Variants in SRSF1 observed in about 807,000 individuals in gnomAD.
SRSF1 encodes the protein serine and arginine rich splicing factor 1.
A neutral mutation model predicts 25.9 loss-of-function variants in SRSF1; 1 was observed. The observed-to-expected ratio is 0.04, with a 90% CI of 0.01 to 0.18. The LOEUF (loss-of-function observed/expected upper bound fraction) is 0.18, where lower values mean the gene tolerates loss of function less well. SRSF1 is among the 10% of genes least tolerant of loss of function. The pLI is 1.00. For synonymous variants in SRSF1, 132 were observed against 126.2 expected, an observed-to-expected ratio of 1.05 and a Z score of -0.31; for missense variants, 65 against 350.5, an observed-to-expected ratio of 0.19 and a Z score of 6.50.
At chr17:57,994,231 C>T in the SRSF1 span, 1 of 152,174 alleles carries the variant, frequency 6.6e-6, no homozygotes, top group South Asian at 2.1e-4. Flanking sequence ...TTTCCGTGGC[C>T]TCCTACATAG....
downstream of SRSF1, among the ~76,000 whole-genome samples, chr17:57,999,676 G>A (rs1253847021): frequency 1.3e-5 from 2 of 152,148 alleles, no homozygotes; most frequent in Admixed American, 6.5e-5. Flanking sequence ...TTGTGTTATA[G>A]CTCCCTCTAG....
At position 58,002,305 on chromosome 17, in the gene SRSF1, A is replaced by G. The variant is rs1396208008; in HGVS notation, c.*3101T>C. On this transcript the variant is annotated 3_prime_UTR_variant, in exon 4 of 4. Transcript: ENST00000258962. The stretch of plus-strand genomic sequence containing the variant: ...ACATCCCCTCTTCCCAACATTCCAC[A>G]ACGTTCATTAAAATCTACCGATTGG... Among the ~76,000 whole-genome samples, 2 of 152,192 alleles carry G rather than the reference A, an allele frequency of 1.3e-5. No individual in the cohort carries two copies. The highest frequency in any genetic ancestry group is 2.9e-5 in the Non-Finnish European group (2 of 68,030).
chr17:57,993,725 G>T, the SRSF1 span: 3 of 152,056 alleles, frequency 2.0e-5, no homozygotes, highest in African/African-American at 7.2e-5. Flanking sequence ...TTTTTCCTTT[G>T]AAGTACCTTT....
Position 58,005,984 on chromosome 17 carries a change from G to A in SRSF1, c.380-11C>T. ...CACTTGGAGGCAGTCCTGAAAAAGT[G>A]ATTTTTTTTTTCTTAGTACCAATTA... On this transcript the variant is annotated splice_polypyrimidine_tract_variant and intron_variant, in intron 2 of 3. Coordinates refer to ENST00000258962, the MANE Select transcript of SRSF1 (RefSeq NM_006924.5). This position sits in a 1 kb window ranked among gnomAD's most constrained non-coding sequence, Gnocchi z 5.2. The A allele has an allele frequency of 6.2e-7, 1 of 1,604,712 alleles. No homozygotes were observed. The highest frequency in any genetic ancestry group is 1.1e-5 in the South Asian group (1 of 90,050).
rs746053111 is a variant in SRSF1, at chr17:58,005,365, T to C, written c.*41A>G. 5 of 1,603,006 alleles carry C rather than the reference T, an allele frequency of 3.1e-6. No individual in the cohort carries two copies. Among genetic ancestry groups the C allele is most frequent in the Non-Finnish European group, 3.4e-6 (4 of 1,171,042 alleles). ...AAGATTGTACTGAATAAAGGAAAACTGTATACAACATGGGTTCTACAAAAA... is the reference window on the plus strand; with the variant it reads ...AAGATTGTACTGAATAAAGGAAAACCGTATACAACATGGGTTCTACAAAAA... On this transcript the variant is annotated 3_prime_UTR_variant, in exon 4 of 4. Coordinates refer to ENST00000258962, the MANE Select transcript of SRSF1 (RefSeq NM_006924.5). This position sits in a 1 kb window ranked among gnomAD's most constrained non-coding sequence, Gnocchi z 5.2.
chr17:58,002,594 T>C lies in SRSF1; in HGVS notation c.*2812A>G, dbSNP rs2143469251. Reference sequence around the variant, plus strand: ...AAGTTTTTGGTACAAAATAATCTTATGGTTGGAGAAGGGCTTATAAGGCAA... The same window carrying C: ...AAGTTTTTGGTACAAAATAATCTTACGGTTGGAGAAGGGCTTATAAGGCAA... On this transcript the variant is annotated 3_prime_UTR_variant, in exon 4 of 4. Coordinates refer to ENST00000258962, the MANE Select transcript of SRSF1 (RefSeq NM_006924.5). Among the ~76,000 whole-genome samples, 1 of 152,342 alleles carries C rather than the reference T, an allele frequency of 6.6e-6. No individual in the cohort carries two copies. The highest frequency in any genetic ancestry group is 2.1e-4 in the South Asian group (1 of 4,828).
In SRSF1 at chr17:58,000,959, A is replaced by G. The variant is rs1044282919; in HGVS notation, c.*4447T>C. On this transcript the variant is annotated 3_prime_UTR_variant, in exon 4 of 4. Coordinates refer to ENST00000258962, the MANE Select transcript of SRSF1 (RefSeq NM_006924.5). Reference sequence around the variant, plus strand: ...ACATTTAATTAGCTCAACAACAGAAAATCTTTTGTTTTCGTAGTTTTTGGA... The same window carrying G: ...ACATTTAATTAGCTCAACAACAGAAGATCTTTTGTTTTCGTAGTTTTTGGA... Among the ~76,000 whole-genome samples the G allele has an allele frequency of 6.6e-6, 1 of 152,166 alleles. No homozygotes were observed. The highest frequency in any genetic ancestry group is 6.5e-5 in the Admixed American group (1 of 15,272).
At position 58,002,399 on chromosome 17, in the gene SRSF1, A is replaced by G. The variant is rs148916087; in HGVS notation, c.*3007T>C. Among the ~76,000 whole-genome samples the G allele has an allele frequency of 3.5e-3, 528 of 152,354 alleles. 5 individuals are homozygous for G. Among genetic ancestry groups the G allele is most frequent in the Non-Finnish European group, 3.9e-3 (266 of 68,026 alleles). ...CCTTAGGTTTTTAATTGTCACCCAA[A>G]TAATCACCTTAAATTCAACTTCCAA... is the stretch of plus-strand genomic sequence containing the variant. On this transcript the variant is annotated 3_prime_UTR_variant, in exon 4 of 4. Transcript: ENST00000258962.
At chr17:57,994,061 C>G in the SRSF1 span, 1 of 152,216 alleles carries the variant, frequency 6.6e-6, no homozygotes, top group Admixed American at 6.5e-5. Context: ...ATACAGAATA[C>G]ACGTTATCCC....
At chr17:57,999,761 C>CA (rs1207769093), downstream of SRSF1, among the ~76,000 whole-genome samples, 3 of 151,970 alleles carry the variant, frequency 2.0e-5, no homozygotes, top group South Asian at 2.1e-4. Context: ...AACAAACAAA[C>CA]AAAAAAAATT....
At chr17:57,997,695 G>A (rs1299675661), downstream of SRSF1, among the ~76,000 whole-genome samples, 4 of 152,166 alleles carry the variant, frequency 2.6e-5, no homozygotes, top group African/African-American at 4.8e-5. Context: ...ATGGCAACTG[G>A]AGATGGGAAG....
the SRSF1 span, chr17:57,992,720 G>A: frequency 3.9e-5 from 6 of 152,198 alleles, no homozygotes; most frequent in Non-Finnish European, 5.9e-5. Flanking sequence ...TTCTTGTGAA[G>A]AGCAAGGCAG....
downstream of SRSF1, among the ~76,000 whole-genome samples, chr17:57,996,503 A>C (rs918457830): frequency 1.5e-4 from 23 of 151,206 alleles, no homozygotes; most frequent in African/African-American, 5.3e-4. Flanking sequence ...AAAAAAAAAA[A>C]CAGCCTTTGC....
At position 58,005,532 on chromosome 17, in the gene SRSF1, A is replaced by T. The variant is rs1480485294; in HGVS notation, c.621T>A (p.Ser207=). ...GGCTTCTGCTACGACTACGGCTTCGAGATCGAGATCTTCCATAACTTGGAC... is the reference window on the plus strand; with the variant it reads ...GGCTTCTGCTACGACTACGGCTTCGTGATCGAGATCTTCCATAACTTGGAC... ...PRSPSYGRSR[S]RSRSRSRSRS... is the part of the protein sequence containing the mutation. The change falls in exon 4 of 4, where the codon TCT becomes TCA. Residue 207 remains serine (S), a synonymous_variant. Coordinates refer to ENST00000258962, the MANE Select transcript of SRSF1 (RefSeq NM_006924.5). The surrounding 1 kb of genome is among the most constrained non-coding windows in gnomAD (Gnocchi z 5.2). The T allele has an allele frequency of 6.2e-7, 1 of 1,614,140 alleles. No homozygotes were observed. Among genetic ancestry groups the T allele is most frequent in the East Asian group, 2.2e-5 (1 of 44,880 alleles).
rs2143473283 is a variant in SRSF1, at chr17:58,003,311, C to A, written c.*2095G>T. 6.6e-6 allele frequency: 1 copy of A among 152,278 alleles called. No individual in the cohort carries two copies. The highest frequency in any genetic ancestry group is 3.4e-3 in the Middle Eastern group (1 of 294). 9.4% of individuals were successfully genotyped at this position (152,278 alleles called of 1,614,324 possible). On this transcript the variant is annotated 3_prime_UTR_variant, in exon 4 of 4. Transcript: ENST00000258962. ...TGCCTTATTCTCCCCTTTTGCTTTCCCCTGAAGACTTTTACAATTAACAAT... is the reference window on the plus strand; with the variant it reads ...TGCCTTATTCTCCCCTTTTGCTTTCACCTGAAGACTTTTACAATTAACAAT...
the SRSF1 span, chr17:57,989,259 G>C: frequency 2.5e-6 from 1 of 398,604 alleles, no homozygotes; most frequent in Non-Finnish European, 4.4e-6. Flanking sequence ...TCCTCACACA[G>C]AGGGAAGCTA....
At position 58,003,102 on chromosome 17, in the gene SRSF1, A is replaced by G. The variant is rs936219672; in HGVS notation, c.*2304T>C. ...GATGAGTTTCATTGAGAATATCAAAAGCTATCTCCAAGTGAACATTAGTAG... is the reference window on the plus strand; with the variant it reads ...GATGAGTTTCATTGAGAATATCAAAGGCTATCTCCAAGTGAACATTAGTAG... On this transcript the variant is annotated 3_prime_UTR_variant, in exon 4 of 4. Transcript: ENST00000258962. Among the ~76,000 whole-genome samples, 15 of 152,248 alleles carry G rather than the reference A, an allele frequency of 9.9e-5. No individual in the cohort carries two copies. Among genetic ancestry groups the G allele is most frequent in the Non-Finnish European group, 8.8e-5 (6 of 68,040 alleles).
chr17:57,989,622 C>CT, the SRSF1 span: 89 of 398,616 alleles, frequency 2.2e-4, no homozygotes, highest in Non-Finnish European at 3.2e-4. Context: ...AGAATACCCC[C>CT]TCCCATTCTT....
In SRSF1 at chr17:58,006,417, C is replaced by A. The variant is rs1348512069; in HGVS notation, c.305G>T (p.Gly102Val). The change falls in exon 2 of 4, where the codon GGT (glycine) becomes GTT (valine). Residue 102 changes from glycine (G) to valine (V), a missense_variant. Physicochemically the swap from Gly to Val is moderately radical, Grantham distance 109. Transcript: ENST00000258962. ...ACCTCGGGGAGCTCCGCCACCTCCACCCCCGCCGCCGCCTCGGCCTGTTCC... is the reference window on the plus strand; with the variant it reads ...ACCTCGGGGAGCTCCGCCACCTCCAACCCCGCCGCCGCCTCGGCCTGTTCC... ...GRGTGRGGGGGGGGGAPRGRY... is the reference protein window; with the variant it reads ...GRGTGRGGGGVGGGGAPRGRY... The A allele has an allele frequency of 1.9e-6, 3 of 1,613,046 alleles. No homozygotes were observed. Among genetic ancestry groups the A allele is most frequent in the Non-Finnish European group, 2.5e-6 (3 of 1,180,030 alleles).
Sources: allele counts gnomAD v4.1 joint callset (sites outside exome capture counted in the v4.1 genomes callset), GRCh38; gene constraint gnomAD v4.1.1; non-coding constraint Gnocchi (gnomAD v3.1); transcripts MANE v1.5; gene names NCBI Gene and HGNC (gene_info 2026-07-23, HGNC 2026-07-21).